Variants in IQCJ observed in about 807,000 individuals in gnomAD.
The protein encoded by IQCJ is IQ motif containing J, also known as IQ domain-containing protein J.
In IQCJ, 9 loss-of-function variants were observed where a neutral mutation model predicts 11.0. The observed-to-expected ratio is 0.82, with a 90% CI of 0.49 to 1.43. The LOEUF is 1.43. Ranked by LOEUF, IQCJ falls within the 40% of genes most tolerant of loss-of-function variation. The pLI is 0.00. For missense variants in IQCJ, 146 were observed against 133.2 expected, an observed-to-expected ratio of 1.10 and a Z score of -0.47; for synonymous variants, 55 against 51.3, an observed-to-expected ratio of 1.07 and a Z score of -0.31.
At chr3:159,229,011 A>AG (rs933736931) in intron 1 of IQCJ, among the ~76,000 whole-genome samples, 17 of 152,186 alleles carry the variant, frequency 1.1e-4, no homozygotes, top group African/African-American at 4.1e-4. Context: ...CAGGGGGTAA[A>AG]TGGAACTTCT....
intron 1 of IQCJ, among the ~76,000 whole-genome samples, chr3:159,164,159 T>G (rs377577493): frequency 6.6e-6 from 1 of 152,208 alleles, no homozygotes; most frequent in Admixed American, 6.5e-5. Flanking sequence ...TTCTAAGGGA[T>G]CATAAAACCC....
At position 159,263,484 on chromosome 3, in the gene IQCJ, G is replaced by T; in HGVS notation, c.*753G>T. ...CCAAAAGTGGGAAGAAATCAGTGAT[G>T]AGGGATTTATGAACCAGGATTTTGT... On this transcript the variant is annotated 3_prime_UTR_variant, in exon 4 of 4. Coordinates refer to ENST00000397832, the MANE Select transcript of IQCJ (RefSeq NM_001042706.3). 1.0e-6 allele frequency: 1 copy of T among 984,166 alleles called. No homozygotes were observed. The highest frequency in any genetic ancestry group is 1.2e-6 in the Non-Finnish European group (1 of 828,766). The allele number at this position is 984,166 out of a possible 1,614,324, so 61.0% of individuals were successfully genotyped here. A position where few individuals can be genotyped will look rare whatever the true frequency, so the allele number is the denominator to read the frequency against.
rs781068395 is a variant in IQCJ at position 159,069,398 on chromosome 3, C to G, written c.-35C>G. ...ACAGTGTGCCAGCATCCGATCCAGT[C>G]TCCTTTCACCTGCAGGTGTTCCAGA... On this transcript the variant is annotated 5_prime_UTR_variant, in exon 1 of 4. Transcript: ENST00000397832. 2.5e-6 allele frequency: 4 copies of G among 1,599,832 alleles called. No individual in the cohort carries two copies. The African/African-American group carries it at 5.4e-5, about 22-fold the overall frequency.
chr3:159,137,864 TA>T (rs1720386292), intron 1 of IQCJ, among the ~76,000 whole-genome samples: 1 of 152,204 alleles, frequency 6.6e-6, no homozygotes, highest in South Asian at 2.1e-4. Context: ...AATAAAATTT[TA>T]AAAGCAAAAT....
At chr3:159,254,215 A>G (rs1256372517) in intron 3 of IQCJ, among the ~76,000 whole-genome samples, 1 of 152,220 alleles carries the variant, frequency 6.6e-6, no homozygotes, top group Non-Finnish European at 1.5e-5. Flanking sequence ...ATGACAAATT[A>G]GAGTGTTTAA....
At chr3:159,179,245 T>A (rs1722957277) in intron 1 of IQCJ, among the ~76,000 whole-genome samples, 1 of 152,188 alleles carries the variant, frequency 6.6e-6, no homozygotes, top group Admixed American at 6.5e-5. Flanking sequence ...CCTGGTCTTC[T>A]GTGTTTAAGA....
chr3:159,101,733 GATACA>G (rs1279349345), intron 1 of IQCJ, among the ~76,000 whole-genome samples: 3 of 152,122 alleles, frequency 2.0e-5, no homozygotes, highest in Non-Finnish European at 4.4e-5. Context: ...GGTTTCACCA[GATACA>G]ACCCCAAGTC....
At chr3:159,246,751 G>A (rs887829792) in intron 2 of IQCJ, among the ~76,000 whole-genome samples, 3 of 152,200 alleles carry the variant, frequency 2.0e-5, no homozygotes, top group Non-Finnish European at 4.4e-5. Context: ...GTAGCTTGGA[G>A]AAAAGAAGTC....
In IQCJ at chr3:159,252,761, G is replaced by C. The variant is rs778414876; in HGVS notation, c.109G>C (p.Glu37Gln). The change falls in exon 3 of 4, where the codon GAA becomes CAA. Residue 37 changes from glutamate (E) to glutamine (Q), a missense_variant. Transcript: ENST00000397832. ...QLAMDAENNI[E>Q]KYPLNLQPLE... ...GGCCATGGATGCAGAGAATAATATTGAAAAGTATCCCCTCAATCTACAGCC... is the reference window on the plus strand; with the variant it reads ...GGCCATGGATGCAGAGAATAATATTCAAAAGTATCCCCTCAATCTACAGCC... 1.9e-6 allele frequency: 3 copies of C among 1,612,420 alleles called. No individual in the cohort carries two copies. The highest frequency in any genetic ancestry group is 2.5e-6 in the Non-Finnish European group (3 of 1,179,120).
chr3:159,259,540 G>A (rs568171576), intron 3 of IQCJ, among the ~76,000 whole-genome samples: 8 of 152,206 alleles, frequency 5.3e-5, no homozygotes, highest in Admixed American at 4.6e-4. Flanking sequence ...TGAGAGATGA[G>A]GTGCTTCTAA....
intron 1 of IQCJ, among the ~76,000 whole-genome samples, chr3:159,150,276 G>T (rs1452001850): frequency 2.0e-5 from 3 of 152,156 alleles, no homozygotes; most frequent in African/African-American, 7.2e-5. Flanking sequence ...ATCATAAGCA[G>T]TTGCCACTGT....
At chr3:159,070,981 AT>A (rs1715524388) in intron 1 of IQCJ, among the ~76,000 whole-genome samples, 1 of 152,022 alleles carries the variant, frequency 6.6e-6, no homozygotes, top group African/African-American at 2.4e-5. Flanking sequence ...TTTACTTCGC[AT>A]TGTGGACAAT....
intron 1 of IQCJ, among the ~76,000 whole-genome samples, chr3:159,189,716 A>C (rs190229429): frequency 5.3e-4 from 81 of 152,332 alleles, no homozygotes; most frequent in Admixed American, 3.5e-3. Flanking sequence ...AAGAAGACTC[A>C]GGTTTGGATA....
chr3:159,210,179 G>A (rs551710908), intron 1 of IQCJ, among the ~76,000 whole-genome samples: 1 of 152,180 alleles, frequency 6.6e-6, no homozygotes. Flanking sequence ...TGCCTCGTCT[G>A]TAGGGAATGT....
intron 1 of IQCJ, among the ~76,000 whole-genome samples, chr3:159,242,672 T>A (rs1335497921): frequency 6.6e-6 from 1 of 151,928 alleles, no homozygotes; most frequent in Non-Finnish European, 1.5e-5. Flanking sequence ...ATCTCAATTC[T>A]TACCACACAC....
chr3:159,243,580 A>C (rs1001652384), intron 1 of IQCJ, among the ~76,000 whole-genome samples: 1 of 152,232 alleles, frequency 6.6e-6, no homozygotes, highest in Non-Finnish European at 1.5e-5. Flanking sequence ...CACAGATAGA[A>C]ATCAGAACAG....
chr3:159,120,583 T>C (rs780939705), intron 1 of IQCJ, among the ~76,000 whole-genome samples: 2 of 152,194 alleles, frequency 1.3e-5, no homozygotes, highest in Non-Finnish European at 2.9e-5. Context: ...TTGGTGAACA[T>C]ATAGCATCCT....
intron 1 of IQCJ, among the ~76,000 whole-genome samples, chr3:159,227,679 C>T (rs937009320): frequency 2.0e-5 from 3 of 152,110 alleles, no homozygotes; most frequent in Non-Finnish European, 4.4e-5. Context: ...CTAATTCTGG[C>T]GGGAACATTC....
intron 1 of IQCJ, among the ~76,000 whole-genome samples, chr3:159,094,152 T>A (rs1177903114): frequency 1.3e-5 from 2 of 151,772 alleles, no homozygotes; most frequent in East Asian, 1.9e-4. Flanking sequence ...CAAAGTGACA[T>A]TTCCTTCATT....
Sources: gnomAD v4.1 joint callset for allele counts (sites outside exome capture counted in the v4.1 genomes callset) on GRCh38, gnomAD v4.1.1 for gene constraint, MANE v1.5 for transcripts, NCBI Gene and HGNC (gene_info 2026-07-23, HGNC 2026-07-21) for gene names.